The following ATP6V1D variants were observed in gnomAD, a reference collection of about 807,000 sequenced individuals.
ATP6V1D encodes the protein ATPase H+ transporting V1 subunit D.
ATP6V1D carries 20 observed loss-of-function variants against 39.4 expected under a neutral mutation model. The ratio of observed to expected loss-of-function variants is 0.51; its 90% CI spans 0.36 to 0.74. The LOEUF is 0.74. Among genes scored for constraint, ATP6V1D ranks in the 30% least tolerant of loss-of-function variants. The pLI is 0.00. For missense variants in ATP6V1D, 228 were observed against 291.6 expected (o/e 0.78, Z 1.59); for synonymous variants, 100 against 100.5 (o/e 0.99, Z 0.03).
rs1369866684 is a variant in ATP6V1D at position 67,358,464 on chromosome 14, A to AC, written c.41+1193dup. On this transcript the variant is annotated intron_variant, in intron 1 of 8. Coordinates refer to ENST00000216442, the MANE Select transcript of ATP6V1D (RefSeq NM_015994.4). ...ACAGAATGAGGAAAAACAACAAAAC[A>AC]CCCCCACAGAGATAGGACCACAATA... Among the ~76,000 whole-genome samples, 4 of 152,196 alleles carry AC rather than the reference A, an allele frequency of 2.6e-5. No individual in the cohort carries two copies. In the East Asian group the frequency reaches 7.7e-4, roughly 29 times the overall value.
chr14:67,359,032 A>G (rs2085707105), intron 1 of ATP6V1D, among the ~76,000 whole-genome samples: 2 of 152,234 alleles, frequency 1.3e-5, no homozygotes, highest in South Asian at 4.1e-4. Context: ...CGGTATTAAC[A>G]CAGGTCTGAA....
intron 1 of ATP6V1D, among the ~76,000 whole-genome samples, chr14:67,358,435 A>C (rs1243223154): frequency 6.6e-6 from 1 of 152,218 alleles, no homozygotes; most frequent in Admixed American, 6.5e-5. Flanking sequence ...GATTCTCTCA[A>C]AGGACAGAAT....
intron 8 of ATP6V1D, chr14:67,340,174 A>C: frequency 5.3e-6 from 2 of 380,608 alleles, no homozygotes. Context: ...TGACTATCTT[A>C]AAACATATAT....
chr14:67,346,539 T>C (rs1290993542), intron 5 of ATP6V1D, among the ~76,000 whole-genome samples: 2 of 152,220 alleles, frequency 1.3e-5, no homozygotes, highest in East Asian at 3.9e-4. Context: ...GGTCTCAAAC[T>C]CCTGGGCTAA....
At chr14:67,340,541 A>C in intron 7 of ATP6V1D, 23 bp from the exon 8 acceptor site, 2 of 1,579,880 alleles carry the variant, frequency 1.3e-6, no homozygotes, top group Non-Finnish European at 1.7e-6. Context: ...AAAAAATAAT[A>C]TGTGTGAGAA....
chr14:67,348,819 C>T (rs969986296), intron 4 of ATP6V1D: 17 of 462,448 alleles, frequency 3.7e-5, no homozygotes, highest in Middle Eastern at 6.1e-4. Flanking sequence ...CGTGCCCAGC[C>T]GGAACCTGCC....
At chr14:67,345,682 G>A in intron 6 of ATP6V1D, 86 bp downstream of exon 6, 1 of 832,804 alleles carries the variant, frequency 1.2e-6, no homozygotes, top group Non-Finnish European at 2.0e-6. Flanking sequence ...ACAAAGCACA[G>A]TATATGCTGA....
rs1595631666 is a variant in ATP6V1D at position 67,338,032 on chromosome 14, G to C, written c.*589C>G. 1 of 152,188 alleles carries C rather than the reference G, an allele frequency of 6.6e-6. No individual in the cohort carries two copies. The highest frequency in any genetic ancestry group is 1.5e-5 in the Non-Finnish European group (1 of 68,078). The allele number at this position is 152,188 out of a possible 1,614,324, so 9.4% of individuals were successfully genotyped here. ...GCTGACACTACTGATCTGAGCATGA[G>C]AACATGACTTAACAGTAAATTAATA... On this transcript the variant is annotated 3_prime_UTR_variant, in exon 9 of 9. Transcript: ENST00000216442.
chr14:67,347,474 C>A, intron 4 of ATP6V1D, 21 bp from the exon 5 acceptor site: 1 of 1,569,512 alleles, frequency 6.4e-7, no homozygotes, highest in South Asian at 1.1e-5. Context: ...CAGAAGCATA[C>A]ATGGATTCAT....
chr14:67,340,443 T>C lies in ATP6V1D; in HGVS notation c.599A>G (p.Tyr200Cys), dbSNP rs772839739. 6.2e-7 allele frequency: 1 copy of C among 1,613,448 alleles called. No homozygotes were observed. Among genetic ancestry groups the C allele is most frequent in the South Asian group, 1.1e-5 (1 of 91,064 alleles). ...ELDEREREEFYRLKKIQEKKK... is the reference protein window; with the variant it reads ...ELDEREREEFCRLKKIQEKKK... ...ATAACTGCCAATTTCAACAAACCTA[T>C]AGAACTCTTCTCGCTCTCTCTCATC... Residue 200 changes from tyrosine (Y) to cysteine (C), a missense_variant, in exon 8 of 9, where the codon TAT becomes TGT. Coordinates refer to ENST00000216442, the MANE Select transcript of ATP6V1D (RefSeq NM_015994.4).
Position 67,338,339 on chromosome 14 carries a change from G to T in ATP6V1D, c.*282C>A. On this transcript the variant is annotated 3_prime_UTR_variant, in exon 9 of 9. Coordinates refer to ENST00000216442, the MANE Select transcript of ATP6V1D (RefSeq NM_015994.4). ...AGGTATTTCCTAATATGCTTGGTAA[G>T]CAGATCACGTGTAACACAGATGTAA... The T allele has an allele frequency of 3.7e-6, 1 of 270,674 alleles. No individual in the cohort carries two copies. The highest frequency in any genetic ancestry group is 6.9e-6 in the Non-Finnish European group (1 of 145,144). 16.8% of individuals were successfully genotyped at this position (270,674 alleles called of 1,614,324 possible).
chr14:67,346,226 C>T (rs116406032), intron 5 of ATP6V1D, among the ~76,000 whole-genome samples: 2,514 of 152,260 alleles, frequency 0.017, 32 homozygotes, highest in Middle Eastern at 0.095. Flanking sequence ...TCTACTTCTT[C>T]GTATGAAATG....
At chr14:67,353,114 G>T in intron 1 of ATP6V1D, 74 bp from the exon 2 acceptor site, 1 of 1,142,180 alleles carries the variant, frequency 8.8e-7, no homozygotes, top group Non-Finnish European at 1.3e-6. Flanking sequence ...CCCCACCAGT[G>T]TTAAAATTAT....
At chr14:67,341,020 G>A (rs2085577100) in intron 7 of ATP6V1D, among the ~76,000 whole-genome samples, 1 of 152,108 alleles carries the variant, frequency 6.6e-6, no homozygotes, top group South Asian at 2.1e-4. Context: ...ATCTCGGCTC[G>A]CTACAACCTC....
intron 4 of ATP6V1D, among the ~76,000 whole-genome samples, chr14:67,348,308 G>A (rs1237766168): frequency 2.0e-5 from 3 of 151,870 alleles, no homozygotes; most frequent in Admixed American, 2.0e-4. Flanking sequence ...GACCTCAGGC[G>A]ATCCGCCCAC....
chr14:67,350,426 T>C (rs1312925239), intron 3 of ATP6V1D, among the ~76,000 whole-genome samples, 185 bp downstream of exon 3: 1 of 152,238 alleles, frequency 6.6e-6, no homozygotes, highest in Non-Finnish European at 1.5e-5. Flanking sequence ...CCTGCAACTA[T>C]GTAAGAATTA....
At position 67,343,426 on chromosome 14, in the gene ATP6V1D, T is replaced by A; in HGVS notation, c.469A>T (p.Thr157Ser). ...GTTATCTTAATAGCTTCATCCAAAG[T>A]AACAAAAGAAGTCTAAAATAAGAAC... ...ELASLQTSFV[T>S]LDEAIKITNR... The change falls in exon 7 of 9, where the codon ACT becomes TCT. Residue 157 changes from threonine (T) to serine (S), a missense_variant. Physicochemically the swap from Thr to Ser is moderately conservative, Grantham distance 58. Around this residue, in one of 3 missense-constraint regions of ATP6V1D, gnomAD observed 114 missense variants for 128.3 expected, o/e 0.89. Coordinates refer to ENST00000216442, the MANE Select transcript of ATP6V1D (RefSeq NM_015994.4). The A allele has an allele frequency of 6.2e-7, 1 of 1,607,000 alleles. No individual in the cohort carries two copies. The highest frequency in any genetic ancestry group is 8.5e-7 in the Non-Finnish European group (1 of 1,173,974).
At chr14:67,355,177 A>G (rs1412166421) in intron 1 of ATP6V1D, among the ~76,000 whole-genome samples, 2 of 152,094 alleles carry the variant, frequency 1.3e-5, no homozygotes, top group Non-Finnish European at 2.9e-5. Flanking sequence ...ACATGTTTTG[A>G]TATCATCAAT....
intron 4 of ATP6V1D, among the ~76,000 whole-genome samples, chr14:67,348,339 G>T (rs1355884938): frequency 6.6e-6 from 1 of 151,980 alleles, no homozygotes; most frequent in East Asian, 1.9e-4. Flanking sequence ...CAAAGCACTG[G>T]GATTACAGGT....
Sources: gnomAD v4.1 joint callset for allele counts (sites outside exome capture counted in the v4.1 genomes callset) on GRCh38, gnomAD v4.1.1 for gene constraint, gnomAD v4.1.1 regional missense constraint, MANE v1.5 for transcripts, NCBI Gene and HGNC (gene_info 2026-07-23, HGNC 2026-07-21) for gene names.